Variants in MTTP observed in about 807,000 individuals in gnomAD.
MTTP encodes microsomal triglyceride transfer protein, also known as microsomal triglyceride transfer protein large subunit.
MTTP carries 49 observed loss-of-function variants against 90.6 expected under a neutral mutation model. That is an observed-to-expected ratio of 0.54 (90% confidence interval 0.43 to 0.69). The LOEUF is 0.69. MTTP is among the 30% of genes least tolerant of loss of function. MTTP has a pLI of 0.00. For synonymous variants in MTTP, 347 were observed against 384.2 expected, an observed-to-expected ratio of 0.90 and a Z score of 1.13; for missense variants, 945 against 1,067.5, an observed-to-expected ratio of 0.89 and a Z score of 1.60.
chr4:99,580,818 G>A (rs967875654), intron 1 of MTTP, among the ~76,000 whole-genome samples: 1 of 152,146 alleles, frequency 6.6e-6, no homozygotes, highest in African/African-American at 2.4e-5. Flanking sequence ...ATGTAGAGGA[G>A]ACAGTGAACA....
chr4:99,622,469 C>T (rs1026436709), intron 17 of MTTP, among the ~76,000 whole-genome samples: 3 of 152,128 alleles, frequency 2.0e-5, no homozygotes, highest in African/African-American at 7.2e-5. Flanking sequence ...TGGCAGGACT[C>T]CCATATCCCA....
In MTTP at chr4:99,591,613, T is replaced by C. The variant is rs1457893530; in HGVS notation, c.619-38T>C. ...TGACTTGATTCAATAATTTAAACGATGATTACTTGTTATAAAGATGGCTAT... is the reference window on the plus strand; with the variant it reads ...TGACTTGATTCAATAATTTAAACGACGATTACTTGTTATAAAGATGGCTAT... On this transcript the variant is annotated intron_variant, in intron 5 of 17. Transcript: ENST00000265517. The C allele has an allele frequency of 2.5e-6, 4 of 1,596,664 alleles. No homozygotes were observed. The South Asian group carries it at 3.3e-5, about 13-fold the overall frequency.
chr4:99,592,021 A>G (rs1250101627), intron 6 of MTTP, among the ~76,000 whole-genome samples: 1 of 152,158 alleles, frequency 6.6e-6, no homozygotes, highest in Non-Finnish European at 1.5e-5. Flanking sequence ...ACTACATTAT[A>G]TGGTATAGCC....
chr4:99,570,651 T>A (rs779704142), upstream of MTTP: 34 of 454,814 alleles, frequency 7.5e-5, 2 homozygotes, highest in South Asian at 5.3e-4. Flanking sequence ...GAAATTAAAG[T>A]TACCAATCCA....
rs72681999 is a variant in MTTP at position 99,605,457 on chromosome 4, T to C, written c.1345-1291T>C. On this transcript the variant is annotated intron_variant, in intron 10 of 17. Transcript: ENST00000265517. ...AGTACTCCATTGTGTCTATGGACTATGTTTTATTTAATATCTCCTATGAAT... is the reference window on the plus strand; with the variant it reads ...AGTACTCCATTGTGTCTATGGACTACGTTTTATTTAATATCTCCTATGAAT... 9.3e-3 allele frequency among the ~76,000 whole-genome samples: 1,421 copies of C among 152,322 alleles called. 16 individuals carry two copies. Among genetic ancestry groups the C allele is most frequent in the Admixed American group, 0.016 (247 of 15,290 alleles).
chr4:99,611,336 T>C lies in MTTP; in HGVS notation c.1872T>C (p.Ser624=). The part of the protein sequence containing the change: ...SSAYTGYIER[S]PRSASTYSLD... Reference sequence around the variant, plus strand: ...ACAGTTATTGTGTGTCATCAGGTAGTCCCCGTTCGGCATCTACTTACAGCC... The same window carrying C: ...ACAGTTATTGTGTGTCATCAGGTAGCCCCCGTTCGGCATCTACTTACAGCC... Residue 624 remains serine (S), a synonymous_variant, in exon 14 of 18, where the codon AGT becomes AGC. Transcript: ENST00000265517. 6.2e-7 allele frequency: 1 copy of C among 1,614,112 alleles called. No homozygotes were observed. The highest frequency in any genetic ancestry group is 8.5e-7 in the Non-Finnish European group (1 of 1,179,962).
chr4:99,601,760 GT>G, intron 10 of MTTP, 46 bp downstream of exon 10: 1 of 1,400,770 alleles, frequency 7.1e-7, no homozygotes, highest in African/African-American at 1.4e-5. Context: ...CTACACCATT[GT>G]CCATTTGATA....
intron 12 of MTTP, among the ~76,000 whole-genome samples, chr4:99,609,898 T>A (rs1236416469): frequency 6.6e-6 from 1 of 152,188 alleles, no homozygotes; most frequent in Non-Finnish European, 1.5e-5. Flanking sequence ...TTTGTTTGCT[T>A]TTATGAGACC....
In MTTP at chr4:99,606,738, G is replaced by A. The variant is rs1285360091; in HGVS notation, c.1345-10G>A. 2.0e-5 allele frequency: 33 copies of A among 1,612,420 alleles called. No individual in the cohort carries two copies. The highest frequency in any genetic ancestry group is 1.3e-4 in the East Asian group (6 of 44,868). ...GGTCATGCATATATCTAAGGTATAT[G>A]ATTTTTCAGGCAGTAGTGGAAGCTA... is the stretch of plus-strand genomic sequence containing the variant. On this transcript the variant is annotated splice_polypyrimidine_tract_variant and intron_variant, in intron 10 of 17. Coordinates refer to ENST00000265517, the MANE Select transcript of MTTP (RefSeq NM_001386140.1).
At chr4:99,585,887 A>G (rs1212390665) in intron 3 of MTTP, among the ~76,000 whole-genome samples, 1 of 152,170 alleles carries the variant, frequency 6.6e-6, no homozygotes, top group Non-Finnish European at 1.5e-5. Flanking sequence ...GAGGACTAAG[A>G]AGCCAACAGG....
At chr4:99,617,364 C>A (rs966371147) in intron 15 of MTTP, among the ~76,000 whole-genome samples, 1 of 152,132 alleles carries the variant, frequency 6.6e-6, no homozygotes, top group East Asian at 1.9e-4. Flanking sequence ...CGCAACCGTA[C>A]TTTTTTAATA....
At chr4:99,595,805 G>A (rs1276434529) in intron 7 of MTTP, among the ~76,000 whole-genome samples, 2 of 150,742 alleles carry the variant, frequency 1.3e-5, no homozygotes, top group African/African-American at 4.9e-5. Context: ...TTCTAATGCT[G>A]TATGAGATGG....
At chr4:99,570,935 G>A, upstream of MTTP, 1 of 360,346 alleles carries the variant, frequency 2.8e-6, no homozygotes, top group Non-Finnish European at 5.4e-6. Flanking sequence ...TTTTATCCCT[G>A]TGAGACCAGT....
intron 7 of MTTP, among the ~76,000 whole-genome samples, chr4:99,596,034 C>G (rs1374414796): frequency 6.6e-6 from 1 of 151,686 alleles, no homozygotes; most frequent in Non-Finnish European, 1.5e-5. Flanking sequence ...CTATTGCAGC[C>G]CTTTAAAGTA....
At chr4:99,604,900 A>C (rs1019006467) in intron 10 of MTTP, among the ~76,000 whole-genome samples, 2 of 152,190 alleles carry the variant, frequency 1.3e-5, no homozygotes, top group African/African-American at 2.4e-5. Context: ...CAAACTAAAT[A>C]AAGTTCAAGA....
chr4:99,580,035 C>CAAAAA, intron 1 of MTTP, among the ~76,000 whole-genome samples: 1 of 60,608 alleles, frequency 1.6e-5, no homozygotes, highest in Non-Finnish European at 3.3e-5. Context: ...GACCCTGTCT[C>CAAAAA]AAAAAAAAAA....
intron 8 of MTTP, among the ~76,000 whole-genome samples, chr4:99,598,820 C>T (rs1316275660): frequency 6.6e-6 from 1 of 152,000 alleles, no homozygotes; most frequent in Non-Finnish European, 1.5e-5. Context: ...TGTGCCACCA[C>T]ACCCGGCTAA....
chr4:99,600,726 C>A lies in MTTP; in HGVS notation c.1229C>A (p.Ala410Asp), dbSNP rs1481035675. The change falls in exon 9 of 18, where the codon GCC becomes GAC. Residue 410 changes from alanine to aspartate, a missense_variant. Coordinates refer to ENST00000265517, the MANE Select transcript of MTTP (RefSeq NM_001386140.1). The stretch of plus-strand genomic sequence containing the variant: ...CATCCCAATGAAGAACTCCTGAGAG[C>A]CCTCATTGTAAGTCAAATAGAAAAT... Reference protein sequence around the residue: ...ASHPNEELLRALISKFKGSIG... With the variant: ...ASHPNEELLRDLISKFKGSIG... 3 of 1,613,446 alleles carry A rather than the reference C, an allele frequency of 1.9e-6. No homozygotes were observed. The highest frequency in any genetic ancestry group is 2.2e-5 in the East Asian group (1 of 44,850).
chr4:99,564,195 A>G lies in MTTP; in HGVS notation c.-144A>G. ...GATGTCTGTTTTTTCCCGTTCAAGA[A>G]TTAAGTGTGTACCTGCAGACGTGTA... is the stretch of plus-strand genomic sequence containing the variant. On this transcript the variant is annotated 5_prime_UTR_variant, in exon 1 of 19. Coordinates refer to the MTTP transcript ENST00000457717. The G allele has an allele frequency of 2.0e-6, 3 of 1,535,658 alleles. No individual in the cohort carries two copies. In the South Asian group the frequency reaches 3.6e-5, roughly 18 times the overall value.
Sources: gnomAD v4.1 joint callset for allele counts (sites outside exome capture counted in the v4.1 genomes callset) on GRCh38, gnomAD v4.1.1 for gene constraint, MANE v1.5 for transcripts, NCBI Gene and HGNC (gene_info 2026-07-23, HGNC 2026-07-21) for gene names.